The following KRTDAP variants were observed in gnomAD, a reference collection of about 807,000 sequenced individuals.
The protein encoded by KRTDAP is keratinocyte differentiation associated protein.
A neutral mutation model predicts 18.6 loss-of-function variants in KRTDAP; 14 were observed. That is an observed-to-expected ratio of 0.75 (90% CI 0.50 to 1.18). KRTDAP has a LOEUF of 1.18. Among genes scored for constraint, KRTDAP ranks in the 50% most tolerant of loss-of-function variants. The pLI, the probability that KRTDAP is intolerant of heterozygous loss-of-function variation, is 0.00. For missense variants in KRTDAP, 114 were observed against 121.3 expected, an observed-to-expected ratio of 0.94 and a Z score of 0.28; for synonymous variants, 53 against 49.5, an observed-to-expected ratio of 1.07 and a Z score of -0.29.
chr19:35,489,101 G>A lies in KRTDAP; in HGVS notation c.88-261C>T, dbSNP rs773959224. On this transcript the variant is annotated intron_variant, in intron 1 of 5. Coordinates refer to ENST00000338897, the MANE Select transcript of KRTDAP (RefSeq NM_207392.3). ...AGCCTGGAGCCGAGCATTCCTCTCC[G>A]GAAAAGCTAGCTAGTGCTGTCCTGC... 3.9e-5 allele frequency among the ~76,000 whole-genome samples: 6 copies of A among 152,318 alleles called. No individual in the cohort carries two copies. In the South Asian group the frequency reaches 6.2e-4, roughly 16 times the overall value.
chr19:35,487,774 G>C lies in KRTDAP; in HGVS notation c.214-15C>G. On this transcript the variant is annotated splice_polypyrimidine_tract_variant and intron_variant, in intron 4 of 5. Coordinates refer to ENST00000338897, the MANE Select transcript of KRTDAP (RefSeq NM_207392.3). ...CTTTTGATAGACTAAAAGAAAGAAA[G>C]AGAAAGAGAGTGATGTGTTGCAGGT... 6.2e-7 allele frequency: 1 copy of C among 1,606,016 alleles called. No individual in the cohort carries two copies. The highest frequency in any genetic ancestry group is 8.5e-7 in the Non-Finnish European group (1 of 1,172,796).
chr19:35,489,353 G>A (rs940082034), intron 1 of KRTDAP, among the ~76,000 whole-genome samples: 6 of 152,136 alleles, frequency 3.9e-5, no homozygotes, highest in Non-Finnish European at 7.4e-5. Context: ...GTGTCCCATC[G>A]TGTCTTCCCC....
chr19:35,488,425 G>T lies in KRTDAP; in HGVS notation c.213+16C>A. On this transcript the variant is annotated intron_variant, in intron 4 of 5. Coordinates refer to ENST00000338897, the MANE Select transcript of KRTDAP (RefSeq NM_207392.3). ...TGCAGACAACCGAGGAGGGCAAGGG[G>T]CGCCGGAGCACTCACCTCAAAGAGG... 1 of 1,611,380 alleles carries T rather than the reference G, an allele frequency of 6.2e-7. No homozygotes were observed. The highest frequency in any genetic ancestry group is 8.5e-7 in the Non-Finnish European group (1 of 1,179,102).
chr19:35,490,295 G>A, intron 1 of KRTDAP, 61 bp downstream of exon 1: 1 of 1,046,808 alleles, frequency 9.6e-7, no homozygotes, highest in Middle Eastern at 2.1e-4. Context: ...ACAGGAGGTA[G>A]AGAGATGGAG....
intron 2 of KRTDAP, 25 bp from the exon 3 acceptor site, chr19:35,488,728 GA>G: frequency 6.2e-7 from 1 of 1,614,198 alleles, no homozygotes; most frequent in Non-Finnish European, 8.5e-7. Context: ...AGGGTGTTAG[GA>G]AAGTTGCTAA....
chr19:35,489,815 G>A (rs1028874222), intron 1 of KRTDAP, among the ~76,000 whole-genome samples: 1 of 152,154 alleles, frequency 6.6e-6, no homozygotes, highest in African/African-American at 2.4e-5. Flanking sequence ...GGGCACAAAT[G>A]AAGCAAAGAG....
At chr19:35,488,214 T>C (rs533622868) in intron 4 of KRTDAP, among the ~76,000 whole-genome samples, 38 of 152,330 alleles carry the variant, frequency 2.5e-4, no homozygotes, top group African/African-American at 8.4e-4. Context: ...GCAATTGTCC[T>C]TGGGGCCCTG....
rs149292016 is a variant in KRTDAP, at chr19:35,488,810, G to A, written c.118C>T (p.Arg40Ter). 1.4e-5 allele frequency: 23 copies of A among 1,614,026 alleles called. No individual in the cohort carries two copies. The highest frequency in any genetic ancestry group is 1.6e-4 in the Middle Eastern group (1 of 6,084). The stretch of plus-strand genomic sequence containing the variant: ...GAAAACAGACGGCTTACCTCGGGTC[G>A]TGACGCATAATTCTCAATGGTGCTT... ...EESTIENYAS[R>*]PEAFNTPFLN... Residue 40 changes from arginine (R) to a stop codon, truncating the protein, a stop_gained, in exon 2 of 6, where the codon CGA (arginine) becomes TGA (stop). Coordinates refer to ENST00000338897, the MANE Select transcript of KRTDAP (RefSeq NM_207392.3). LOFTEE classifies it high-confidence loss of function.
At position 35,487,417 on chromosome 19, in the gene KRTDAP, G is replaced by A. The variant is rs1377236270; in HGVS notation, c.*11C>T. 6.2e-7 allele frequency: 1 copy of A among 1,613,468 alleles called. No homozygotes were observed. The highest frequency in any genetic ancestry group is 8.5e-7 in the Non-Finnish European group (1 of 1,179,370). On this transcript the variant is annotated 3_prime_UTR_variant, in exon 6 of 6. Transcript: ENST00000338897. ...GCTCACGCTAGCCCCCTCTTCCAGT[G>A]GAGGTCATGGTCACTGGGCATCAGG...
At chr19:35,488,641 G>T in intron 3 of KRTDAP, 21 bp downstream of exon 3, 1 of 1,614,102 alleles carries the variant, frequency 6.2e-7, no homozygotes, top group Non-Finnish European at 8.5e-7. Flanking sequence ...CGTGGGGGTA[G>T]CACCAGAGAA....
chr19:35,487,520 G>A, intron 5 of KRTDAP, 54 bp from the exon 6 acceptor site: 1 of 1,466,736 alleles, frequency 6.8e-7, no homozygotes, highest in South Asian at 1.1e-5. Flanking sequence ...CCCAGTATAG[G>A]ATGGCATGGA....
intron 4 of KRTDAP, among the ~76,000 whole-genome samples, chr19:35,488,137 C>T (rs1448615194): frequency 2.0e-5 from 3 of 152,198 alleles, no homozygotes; most frequent in African/African-American, 4.8e-5. Flanking sequence ...GCGGGTGGGC[C>T]TCAGTTTTTC....
intron 5 of KRTDAP, 57 bp from the exon 6 acceptor site, chr19:35,487,523 G>T: frequency 1.4e-6 from 2 of 1,467,160 alleles, no homozygotes; most frequent in South Asian, 2.3e-5. Context: ...AGTATAGGAT[G>T]GCATGGATGG....
At chr19:35,489,290 C>G (rs986717870) in intron 1 of KRTDAP, among the ~76,000 whole-genome samples, 2 of 152,216 alleles carry the variant, frequency 1.3e-5, no homozygotes, top group Non-Finnish European at 2.9e-5. Context: ...ATTGCCACCA[C>G]TGTTGGAGGT....
intron 4 of KRTDAP, among the ~76,000 whole-genome samples, chr19:35,488,127 G>A (rs947799518): frequency 1.3e-5 from 2 of 152,220 alleles, no homozygotes; most frequent in Admixed American, 6.5e-5. Context: ...CCTTCTAAGT[G>A]CGGGTGGGCC....
intron 3 of KRTDAP, 64 bp from the exon 4 acceptor site, chr19:35,488,549 GCC>G: frequency 6.2e-7 from 1 of 1,604,186 alleles, no homozygotes; most frequent in South Asian, 1.1e-5. Flanking sequence ...TTAGCCCCCA[GCC>G]CTCTGGAGAA....
rs754412382 is a variant in KRTDAP at position 35,488,634 on chromosome 19, G to A, written c.168+28C>T. ...TCCCCTCTGTGATGAGGGTATTCGT[G>A]GGGGTAGCACCAGAGAAGCGTACTC... On this transcript the variant is annotated intron_variant, in intron 3 of 5. Transcript: ENST00000338897. The A allele has an allele frequency of 6.8e-6, 11 of 1,613,810 alleles. No individual in the cohort carries two copies. The African/African-American group carries it at 1.3e-4, about 20-fold the overall frequency.
At chr19:35,490,313 TG>T (rs1191483514) in intron 1 of KRTDAP, 42 bp downstream of exon 1, 3 of 1,254,324 alleles carry the variant, frequency 2.4e-6, no homozygotes, top group Non-Finnish European at 3.4e-6. Flanking sequence ...GAGGGGTAGG[TG>T]GGTAACACGT....
At position 35,488,427 on chromosome 19, in the gene KRTDAP, G is replaced by C. The variant is rs746999271; in HGVS notation, c.213+14C>G. ...CAGACAACCGAGGAGGGCAAGGGGC[G>C]CCGGAGCACTCACCTCAAAGAGGGC... On this transcript the variant is annotated intron_variant, in intron 4 of 5. Transcript: ENST00000338897. The C allele has an allele frequency of 6.2e-7, 1 of 1,611,314 alleles. No individual in the cohort carries two copies. Among genetic ancestry groups the C allele is most frequent in the Non-Finnish European group, 8.5e-7 (1 of 1,179,116 alleles).
Sources: allele counts gnomAD v4.1 joint callset (sites outside exome capture counted in the v4.1 genomes callset), GRCh38; gene constraint gnomAD v4.1.1; transcripts MANE v1.5; gene names NCBI Gene and HGNC (gene_info 2026-07-23, HGNC 2026-07-21).